CSMD2: variants seen among roughly 807,000 people sequenced by gnomAD.
The protein encoded by CSMD2 is CUB and sushi domain-containing protein 2.
Under a neutral mutation model 398.5 loss-of-function variants are expected in CSMD2, and 130 were observed. The observed-to-expected ratio is 0.33, with a 90% CI of 0.28 to 0.38. The LOEUF is 0.38. Among genes scored for constraint, CSMD2 ranks in the 10% least tolerant of loss-of-function variants. The pLI is 1.00. For synonymous variants in CSMD2, 1,828 were observed against 1,908.5 expected (o/e 0.96, Z 1.10); for missense variants, 3,829 against 4,764.9 (o/e 0.80, Z 5.78).
intron 32 of CSMD2, among the ~76,000 whole-genome samples, chr1:33,630,772 C>T (rs531273540): frequency 7.8e-4 from 118 of 152,148 alleles, no homozygotes; most frequent in African/African-American, 2.7e-3. Flanking sequence ...AGAACAAAAT[C>T]CATATTCTTA....
chr1:33,735,972 T>C (rs913702562), intron 15 of CSMD2, among the ~76,000 whole-genome samples: 1 of 152,134 alleles, frequency 6.6e-6, no homozygotes. Context: ...GTTTTAAGGC[T>C]GGGATTCAGC....
At chr1:33,774,880 C>A (rs991151860) in intron 12 of CSMD2, among the ~76,000 whole-genome samples, 15 of 152,346 alleles carry the variant, frequency 9.8e-5, no homozygotes, top group African/African-American at 3.1e-4. Context: ...CAGGCACCCA[C>A]TTACGAACAA....
At chr1:34,012,812 AAC>A (rs1270206945) in intron 3 of CSMD2, among the ~76,000 whole-genome samples, 1 of 152,230 alleles carries the variant, frequency 6.6e-6, no homozygotes, top group East Asian at 1.9e-4. Flanking sequence ...TTATCCTTCA[AAC>A]ACACACAGTC....
At position 33,904,893 on chromosome 1, in the gene CSMD2, G is replaced by A. The variant is rs192883366; in HGVS notation, c.920+13201C>T. Among the ~76,000 whole-genome samples the A allele has an allele frequency of 2.6e-5, 4 of 152,146 alleles. No individual in the cohort carries two copies. In the East Asian group the frequency reaches 5.8e-4, roughly 22 times the overall value. ...AATCTCCTGACCTCATCATCTGCCC[G>A]CCTCGGCCTCCCAAAGTGCTGGGAT... On this transcript the variant is annotated intron_variant, in intron 5 of 70. Coordinates refer to ENST00000373381, the MANE Select transcript of CSMD2 (RefSeq NM_001281956.2).
At chr1:33,776,189 A>G (rs138856276) in intron 12 of CSMD2, among the ~76,000 whole-genome samples, 214 of 152,224 alleles carry the variant, frequency 1.4e-3, no homozygotes, top group African/African-American at 4.9e-3. Context: ...GGGTGGGAGG[A>G]AAGATGTATT....
At chr1:33,864,905 C>CGGGAAGGGAAAGAAG in intron 5 of CSMD2, 1 of 248,860 alleles carries the variant, frequency 4.0e-6, no homozygotes. Context: ...ACGGAGAGGA[C>CGGGAAGGGAAAGAAG]GGGAAGGGAA....
intron 13 of CSMD2, among the ~76,000 whole-genome samples, chr1:33,760,775 A>G (rs538936049): frequency 3.3e-5 from 5 of 152,266 alleles, no homozygotes; most frequent in African/African-American, 1.2e-4. Context: ...ATTTGAAACA[A>G]GAGGGACATC....
chr1:33,789,781 C>A (rs561420828), intron 11 of CSMD2, among the ~76,000 whole-genome samples: 61 of 152,308 alleles, frequency 4.0e-4, no homozygotes, highest in African/African-American at 1.5e-3. Flanking sequence ...AGCCTGGGCT[C>A]TGACAAGCTG....
intron 1 of CSMD2, among the ~76,000 whole-genome samples, chr1:34,099,761 C>G (rs182866084): frequency 2.0e-4 from 30 of 152,330 alleles, no homozygotes; most frequent in Non-Finnish European, 3.5e-4. Flanking sequence ...GTCACTCTGT[C>G]TGGTGTCTAA....
intron 3 of CSMD2, among the ~76,000 whole-genome samples, chr1:33,989,056 A>G (rs1425173279): frequency 3.2e-5 from 4 of 125,078 alleles, no homozygotes; most frequent in African/African-American, 1.3e-4. Context: ...ATATATATAT[A>G]TATATATATA....
Position 33,537,060 on chromosome 1 carries a change from G to T in CSMD2, c.9841C>A (p.Pro3281Thr). Reference protein sequence around the residue: ...TLTTCADPGVPQFGIQNNSQG... With the variant: ...TLTTCADPGVTQFGIQNNSQG... ...GAATTGTTCTGTATCCCAAACTGTG[G>T]CACACCAGGGTCCGCACACGTGGTC... Residue 3281 changes from proline to threonine, a missense_variant, in exon 62 of 71, where the codon CCA becomes ACA. Physicochemically the swap from Pro to Thr is conservative, Grantham distance 38. Around this residue, in one of 5 missense-constraint regions of CSMD2, gnomAD observed 917 missense variants for 1,199.5 expected, o/e 0.76. Transcript: ENST00000373381. This position sits in a 1 kb window ranked among gnomAD's most constrained non-coding sequence, Gnocchi z 4.6. 1 of 1,614,168 alleles carries T rather than the reference G, an allele frequency of 6.2e-7. No homozygotes were observed. Among genetic ancestry groups the T allele is most frequent in the Non-Finnish European group, 8.5e-7 (1 of 1,180,030 alleles).
intron 3 of CSMD2, among the ~76,000 whole-genome samples, chr1:34,016,605 C>A (rs1237902598): frequency 1.3e-5 from 2 of 152,066 alleles, no homozygotes; most frequent in East Asian, 1.9e-4. Context: ...TGAGTATATA[C>A]CCAAAGGATT....
chr1:33,938,131 A>C (rs1644537186), intron 3 of CSMD2, among the ~76,000 whole-genome samples: 1 of 152,224 alleles, frequency 6.6e-6, no homozygotes, highest in Admixed American at 6.5e-5. Context: ...AATCTTAAAG[A>C]CTGAAGAGCT....
intron 45 of CSMD2, 140 bp from the exon 46 acceptor site, chr1:33,586,757 C>T (rs1329575376): frequency 6.4e-6 from 4 of 623,514 alleles, no homozygotes; most frequent in African/African-American, 5.5e-5. Flanking sequence ...CATCAAATGG[C>T]CCAGACGACT....
intron 29 of CSMD2, among the ~76,000 whole-genome samples, chr1:33,639,088 T>C (rs1472285725): frequency 6.6e-6 from 1 of 152,220 alleles, no homozygotes. Context: ...TGGCCTTTCC[T>C]TCCTTGCATC....
intron 25 of CSMD2, among the ~76,000 whole-genome samples, chr1:33,667,949 A>T (rs2149016901): frequency 6.6e-6 from 1 of 152,230 alleles, no homozygotes; most frequent in East Asian, 1.9e-4. Context: ...AACCCCCCAG[A>T]CACAAACTCA....
At chr1:33,576,587 T>C (rs1638259436) in intron 49 of CSMD2, among the ~76,000 whole-genome samples, 1 of 152,124 alleles carries the variant, frequency 6.6e-6, no homozygotes, top group African/African-American at 2.4e-5. Flanking sequence ...GGAGACTCTG[T>C]CTCAAAAAAT....
chr1:33,523,657 C>T (rs939669821), intron 66 of CSMD2, among the ~76,000 whole-genome samples: 15 of 152,160 alleles, frequency 9.9e-5, no homozygotes, highest in East Asian at 3.9e-4. Flanking sequence ...ATTGGATTAC[C>T]GGGTTGAGGT....
At chr1:33,654,408 T>C (rs766129217) in intron 27 of CSMD2, among the ~76,000 whole-genome samples, 45 of 152,142 alleles carry the variant, frequency 3.0e-4, no homozygotes, top group Non-Finnish European at 4.4e-4. Context: ...CCTTTCTACT[T>C]CCATACAGTC....
Sources: allele counts gnomAD v4.1 joint callset (sites outside exome capture counted in the v4.1 genomes callset), GRCh38; gene constraint gnomAD v4.1.1; regional missense constraint gnomAD v4.1.1; non-coding constraint Gnocchi (gnomAD v3.1); transcripts MANE v1.5; gene names NCBI Gene and HGNC (gene_info 2026-07-23, HGNC 2026-07-21).